CNTNAP4: variants seen among roughly 807,000 people sequenced by gnomAD.
The protein encoded by CNTNAP4 is contactin-associated protein-like 4.
CNTNAP4 carries 98 observed loss-of-function variants against 148.4 expected under a neutral mutation model. That is an observed-to-expected ratio of 0.66 (90% CI 0.56 to 0.78). The LOEUF (loss-of-function observed/expected upper bound fraction) is 0.78, where lower values mean the gene tolerates loss of function less well. Ranked by LOEUF, CNTNAP4 falls within the 30% of genes least tolerant of loss-of-function variation. The pLI, the probability that CNTNAP4 is intolerant of heterozygous loss-of-function variation, is 0.00. For synonymous variants in CNTNAP4, 730 were observed against 565.1 expected (o/e 1.29, Z -4.14); for missense variants, 1,935 against 1,565.6 (o/e 1.24, Z -3.98).
chr16:76,282,650 C>G (rs1958730397), intron 1 of CNTNAP4, among the ~76,000 whole-genome samples: 1 of 151,826 alleles, frequency 6.6e-6, no homozygotes, highest in Non-Finnish European at 1.5e-5. Flanking sequence ...AAGCACTGCC[C>G]ACTAAGAGCT....
At position 76,452,616 on chromosome 16, in the gene CNTNAP4, G is replaced by A. The variant is rs999578080; in HGVS notation, c.1180G>A (p.Ala394Thr). The change falls in exon 8 of 24, where the codon GCC (alanine) becomes ACC (threonine). Residue 394 changes from alanine (A) to threonine (T), a missense_variant. By Grantham distance (58) the Ala-to-Thr change is moderately conservative (BLOSUM62 0). Coordinates refer to ENST00000611870, the MANE Select transcript of CNTNAP4 (RefSeq NM_033401.5). Reference sequence around the variant, plus strand: ...CTTCTCTGGAGAGGAGGAGGTTTCTGCCACTTTTCAATTTCGAACTTGGAA... The same window carrying A: ...CTTCTCTGGAGAGGAGGAGGTTTCTACCACTTTTCAATTTCGAACTTGGAA... ...PDFSGEEEVS[A>T]TFQFRTWNKA... 3 of 1,613,948 alleles carry A rather than the reference G, an allele frequency of 1.9e-6. No individual in the cohort carries two copies. The East Asian group carries it at 6.7e-5, about 36-fold the overall frequency.
At chr16:76,379,414 C>T (rs1380585636) in intron 3 of CNTNAP4, among the ~76,000 whole-genome samples, 4 of 151,920 alleles carry the variant, frequency 2.6e-5, no homozygotes, top group Non-Finnish European at 5.9e-5. Context: ...TGTAATTTGT[C>T]AAATATATTT....
chr16:76,304,096 C>G (rs1444318865), intron 1 of CNTNAP4, among the ~76,000 whole-genome samples: 1 of 152,034 alleles, frequency 6.6e-6, no homozygotes, highest in African/African-American at 2.4e-5. Context: ...CACCAGGTAC[C>G]AACTACTCTT....
chr16:76,326,915 G>A (rs181713063), intron 2 of CNTNAP4, among the ~76,000 whole-genome samples: 36 of 151,848 alleles, frequency 2.4e-4, no homozygotes, highest in African/African-American at 6.8e-4. Context: ...AAACCTGCAC[G>A]TTGTGCACAT....
chr16:76,492,553 T>G (rs2082260885), intron 13 of CNTNAP4, among the ~76,000 whole-genome samples: 2 of 152,160 alleles, frequency 1.3e-5, no homozygotes, highest in African/African-American at 4.8e-5. Context: ...GGTTTGGCTG[T>G]GTCCCCACCC....
chr16:76,515,171 A>G (rs1258299522), intron 15 of CNTNAP4, among the ~76,000 whole-genome samples: 1 of 152,154 alleles, frequency 6.6e-6, no homozygotes, highest in Admixed American at 6.5e-5. Context: ...TGGTCAAAAA[A>G]CAGTTGCAAA....
chr16:76,449,881 A>G (rs751652169), intron 7 of CNTNAP4, 23 bp downstream of exon 7: 17 of 1,574,056 alleles, frequency 1.1e-5, no homozygotes, highest in Admixed American at 1.9e-5. Flanking sequence ...ATGCGAAGAC[A>G]TTAGTAAAAC....
chr16:76,334,715 A>G (rs532438876), intron 2 of CNTNAP4, among the ~76,000 whole-genome samples: 2 of 152,172 alleles, frequency 1.3e-5, no homozygotes, highest in African/African-American at 2.4e-5. Flanking sequence ...AAATCCATCT[A>G]TCAAAAGACA....
At chr16:76,510,958 A>G (rs1451905952) in intron 15 of CNTNAP4, among the ~76,000 whole-genome samples, 3 of 152,158 alleles carry the variant, frequency 2.0e-5, no homozygotes, top group Non-Finnish European at 4.4e-5. Context: ...ACTCGAAGGA[A>G]CAATTATCCT....
intron 17 of CNTNAP4, among the ~76,000 whole-genome samples, 176 bp downstream of exon 17, chr16:76,522,433 G>GA (rs542532529): frequency 2.1e-3 from 322 of 152,266 alleles, no homozygotes; most frequent in African/African-American, 7.6e-3. Flanking sequence ...ACCAGCCTGT[G>GA]AAATGGGTGT....
intron 2 of CNTNAP4, among the ~76,000 whole-genome samples, chr16:76,345,462 CAG>C (rs1203555976): frequency 5.9e-5 from 9 of 152,118 alleles, no homozygotes; most frequent in African/African-American, 2.2e-4. Context: ...AGTATTGTGA[CAG>C]AGGTCAAGAG....
intron 3 of CNTNAP4, among the ~76,000 whole-genome samples, chr16:76,381,081 C>G (rs2015917704): frequency 6.6e-6 from 1 of 152,180 alleles, no homozygotes; most frequent in Admixed American, 6.5e-5. Context: ...CACACAATTA[C>G]TTTTGCATAA....
At position 76,448,091 on chromosome 16, in the gene CNTNAP4, CATT is replaced by C. The variant is rs1224281759; in HGVS notation, c.622_624del (p.Ile208del). On this transcript the variant is annotated inframe_deletion, in exon 5 of 24. Coordinates refer to ENST00000611870, the MANE Select transcript of CNTNAP4 (RefSeq NM_033401.5). ...AAAAATCCCTGAGCCCAATAAAAGA[CATT>C]ATTTCTTTGAAATTCAAAACCATGC... 7.4e-6 allele frequency: 12 copies of C among 1,613,478 alleles called. No homozygotes were observed. The highest frequency in any genetic ancestry group is 1.7e-5 in the Admixed American group (1 of 59,998).
intron 3 of CNTNAP4, among the ~76,000 whole-genome samples, chr16:76,375,883 G>T (rs1376558268): frequency 1.3e-5 from 2 of 152,212 alleles, no homozygotes; most frequent in Non-Finnish European, 2.9e-5. Flanking sequence ...AGCAGTTAAG[G>T]ATGTCATCTC....
intron 4 of CNTNAP4, among the ~76,000 whole-genome samples, chr16:76,443,496 T>C (rs962133394): frequency 4.6e-5 from 7 of 152,080 alleles, no homozygotes; most frequent in Non-Finnish European, 1.0e-4. Flanking sequence ...GAGGCTGAGG[T>C]TGGAGGTTCA....
intron 3 of CNTNAP4, among the ~76,000 whole-genome samples, chr16:76,418,212 T>C (rs2079053855): frequency 6.6e-6 from 1 of 151,634 alleles, no homozygotes; most frequent in African/African-American, 2.4e-5. Context: ...CTATTATCTT[T>C]TCCTTCTGGT....
intron 3 of CNTNAP4, among the ~76,000 whole-genome samples, chr16:76,369,940 A>C (rs1225075362): frequency 6.6e-6 from 1 of 152,146 alleles, no homozygotes; most frequent in Non-Finnish European, 1.5e-5. Context: ...ATATCTGCCT[A>C]CAATGGTGAG....
At chr16:76,380,365 A>G (rs527682646) in intron 3 of CNTNAP4, among the ~76,000 whole-genome samples, 1 of 152,340 alleles carries the variant, frequency 6.6e-6, no homozygotes, top group East Asian at 1.9e-4. Flanking sequence ...TCCGTATCAC[A>G]TAATCAGTCT....
intron 7 of CNTNAP4, 128 bp from the exon 8 acceptor site, chr16:76,452,380 T>G (rs532101262): frequency 1.3e-5 from 11 of 826,672 alleles, no homozygotes; most frequent in Non-Finnish European, 1.9e-5. Context: ...TGGTTTGGAC[T>G]GTCATGTTGA....
Sources: gnomAD v4.1 joint callset for allele counts (sites outside exome capture counted in the v4.1 genomes callset) on GRCh38, gnomAD v4.1.1 for gene constraint, MANE v1.5 for transcripts, NCBI Gene and HGNC (gene_info 2026-07-23, HGNC 2026-07-21) for gene names.